LEKR1: variants seen among roughly 807,000 people sequenced by gnomAD.
The protein encoded by LEKR1 is leucine, glutamate and lysine rich 1, also known as protein LEKR1.
In LEKR1, 59 loss-of-function variants were observed where a neutral mutation model predicts 72.4. That is an observed-to-expected ratio of 0.82 (90% CI 0.66 to 1.01). LEKR1 has a LOEUF of 1.01. Among genes scored for constraint, LEKR1 ranks in the 50% least tolerant of loss-of-function variants. The pLI, the probability that LEKR1 is intolerant of heterozygous loss-of-function variation, is 0.00. For missense variants in LEKR1, 728 were observed against 759.2 expected (o/e 0.96, Z 0.48); for synonymous variants, 257 against 263.2 (o/e 0.98, Z 0.23).
At chr3:156,874,541 CT>C (rs35305371) in intron 3 of LEKR1, among the ~76,000 whole-genome samples, 77,449 of 150,494 alleles carry the variant, frequency 0.51, 21,318 homozygotes, top group East Asian at 0.73. Flanking sequence ...TTTTAAAAAA[CT>C]TTTTTTTTTC....
intron 3 of LEKR1, among the ~76,000 whole-genome samples, chr3:156,873,888 T>A (rs941151600): frequency 3.3e-5 from 5 of 152,254 alleles, no homozygotes; most frequent in Admixed American, 3.3e-4. Context: ...TGGGGATTCC[T>A]TTAAGTGATT....
At chr3:156,955,168 G>A (rs971486638) in intron 6 of LEKR1, among the ~76,000 whole-genome samples, 2 of 151,780 alleles carry the variant, frequency 1.3e-5, no homozygotes, top group Admixed American at 6.6e-5. Context: ...CTCACCTGTT[G>A]TTGATGTATA....
intron 9 of LEKR1, among the ~76,000 whole-genome samples, chr3:156,997,922 A>T (rs1052729477): frequency 2.0e-5 from 3 of 152,216 alleles, no homozygotes; most frequent in Non-Finnish European, 4.4e-5. Context: ...GTAGGGAAGA[A>T]TCTTCAGTGA....
intron 7 of LEKR1, among the ~76,000 whole-genome samples, chr3:156,980,448 T>A (rs1730087471): frequency 6.6e-6 from 1 of 152,166 alleles, no homozygotes; most frequent in African/African-American, 2.4e-5. Flanking sequence ...GGTGTCTGTG[T>A]AGATGGCTGG....
At chr3:156,906,891 T>A (rs942250541) in intron 3 of LEKR1, among the ~76,000 whole-genome samples, 10 of 152,158 alleles carry the variant, frequency 6.6e-5, no homozygotes, top group South Asian at 2.1e-4. Flanking sequence ...TTTATAAAAA[T>A]GGACTGAGAA....
intron 3 of LEKR1, among the ~76,000 whole-genome samples, chr3:156,918,101 G>A (rs984289835): frequency 6.6e-6 from 1 of 152,054 alleles, no homozygotes; most frequent in Non-Finnish European, 1.5e-5. Flanking sequence ...AGTTATACAA[G>A]AAAGAAATAT....
chr3:156,896,259 T>C (rs1262426452), intron 3 of LEKR1, among the ~76,000 whole-genome samples: 2 of 152,094 alleles, frequency 1.3e-5, no homozygotes, highest in East Asian at 3.8e-4. Context: ...GCATAATATC[T>C]AGGTGATGGG....
Position 156,893,191 on chromosome 3 carries a change from G to A in LEKR1, c.264-27384G>A, listed in dbSNP as rs1384620992. 2.6e-5 allele frequency among the ~76,000 whole-genome samples: 4 copies of A among 152,130 alleles called. No individual in the cohort carries two copies. In the East Asian group the frequency reaches 5.8e-4, roughly 22 times the overall value. On this transcript the variant is annotated intron_variant, in intron 3 of 12. Transcript: ENST00000356539. ...TTTGGTGGAGGAATGGCATTGGGGAGGACTTCTTGGGTGAGATTTTTATTC... is the reference window on the plus strand; with the variant it reads ...TTTGGTGGAGGAATGGCATTGGGGAAGACTTCTTGGGTGAGATTTTTATTC...
chr3:157,011,356 C>A, intron 9 of LEKR1, 57 bp from the exon 10 acceptor site: 2 of 1,193,644 alleles, frequency 1.7e-6, no homozygotes, highest in Non-Finnish European at 2.5e-6. Flanking sequence ...GGAACTACAA[C>A]TTAGGAATTG....
At chr3:156,871,112 C>G (rs918303965) in intron 3 of LEKR1, among the ~76,000 whole-genome samples, 1 of 152,088 alleles carries the variant, frequency 6.6e-6, no homozygotes, top group East Asian at 1.9e-4. Flanking sequence ...CCCCCTCCCC[C>G]CAACCCACAA....
chr3:157,013,173 T>G (rs1291050463), intron 10 of LEKR1, among the ~76,000 whole-genome samples: 2 of 152,168 alleles, frequency 1.3e-5, no homozygotes, highest in Non-Finnish European at 2.9e-5. Flanking sequence ...TTAACGTGGA[T>G]AGCGATTCAG....
intron 10 of LEKR1, among the ~76,000 whole-genome samples, chr3:157,020,316 T>C (rs1308987844): frequency 1.4e-5 from 2 of 147,720 alleles, no homozygotes; most frequent in South Asian, 4.3e-4. Flanking sequence ...TTAGGGTACA[T>C]GTGCACAATG....
intron 2 of LEKR1, among the ~76,000 whole-genome samples, chr3:156,844,646 T>A (rs1714350484): frequency 6.8e-6 from 1 of 146,442 alleles, no homozygotes; most frequent in African/African-American, 2.6e-5. Context: ...CTTTTTTCAA[T>A]CTGTAATTTT....
rs369519887 is a variant in LEKR1 at position 157,029,921 on chromosome 3, G to A, written c.1668+1519G>A. On this transcript the variant is annotated intron_variant, in intron 12 of 12. Coordinates refer to ENST00000356539, the MANE Select transcript of LEKR1 (RefSeq NM_001004316.3). ...TTATAAACTAGGACAAACAGAAAAA[G>A]ACGGAAGGGCCAAATTCAGTAAATG... 1.6e-4 allele frequency among the ~76,000 whole-genome samples: 25 copies of A among 152,286 alleles called. No individual in the cohort carries two copies. The South Asian group carries it at 3.9e-3, about 24-fold the overall frequency.
intron 2 of LEKR1, among the ~76,000 whole-genome samples, chr3:156,830,703 T>C (rs766790216): frequency 6.6e-6 from 1 of 151,760 alleles, no homozygotes; most frequent in Non-Finnish European, 1.5e-5. Flanking sequence ...TTCCACAGAG[T>C]GAGCAGAGAG....
chr3:156,962,027 G>A (rs1160547055), intron 6 of LEKR1, among the ~76,000 whole-genome samples: 2 of 152,054 alleles, frequency 1.3e-5, no homozygotes, highest in Non-Finnish European at 2.9e-5. Context: ...TATTCACCTC[G>A]ACTTGTTTAT....
At chr3:156,878,099 A>G (rs975377038) in intron 3 of LEKR1, among the ~76,000 whole-genome samples, 11 of 143,332 alleles carry the variant, frequency 7.7e-5, no homozygotes, top group African/African-American at 2.6e-4. Context: ...TATCTTTTTT[A>G]CTTTTTTTTT....
chr3:156,964,487 C>A (rs1728389019), intron 6 of LEKR1, among the ~76,000 whole-genome samples: 1 of 151,938 alleles, frequency 6.6e-6, no homozygotes, highest in African/African-American at 2.4e-5. Context: ...AACTGTAAAA[C>A]ATATTTGTGT....
intron 3 of LEKR1, among the ~76,000 whole-genome samples, chr3:156,882,371 C>A (rs1195131531): frequency 6.6e-6 from 1 of 152,008 alleles, no homozygotes; most frequent in African/African-American, 2.4e-5. Context: ...CAAAAGAAGA[C>A]ATTTATGCAG....
Sources: allele counts gnomAD v4.1 joint callset (sites outside exome capture counted in the v4.1 genomes callset), GRCh38; gene constraint gnomAD v4.1.1; transcripts MANE v1.5; gene names NCBI Gene and HGNC (gene_info 2026-07-23, HGNC 2026-07-21).